The following EPB41L1 variants were observed in gnomAD, a reference collection of about 807,000 sequenced individuals.
EPB41L1 encodes the protein erythrocyte membrane protein band 4.1 like 1.
EPB41L1 carries 29 observed loss-of-function variants against 97.8 expected under a neutral mutation model. The observed-to-expected ratio is 0.30, with a 90% CI of 0.22 to 0.40. EPB41L1 has a LOEUF of 0.40. Ranked by LOEUF, EPB41L1 falls within the 10% of genes least tolerant of loss-of-function variation. The probability of loss-of-function intolerance (pLI) is 1.00; values close to 1 mark genes in which losing one functional copy is unlikely to be tolerated. For missense variants in EPB41L1, 812 were observed against 1,162.3 expected (o/e 0.70, Z 4.38); for synonymous variants, 383 against 459.2 (o/e 0.83, Z 2.12).
intron 15 of EPB41L1, among the ~76,000 whole-genome samples, chr20:36,210,531 C>G (rs748097699): frequency 2.6e-5 from 4 of 152,140 alleles, no homozygotes; most frequent in Non-Finnish European, 5.9e-5. Context: ...CCCTCCTACA[C>G]TCTCCTTTCC....
In EPB41L1 at chr20:36,207,234, G is replaced by A. The variant is rs868721218; in HGVS notation, c.1669-2254G>A. The A allele has an allele frequency of 1.6e-6, 2 of 1,279,984 alleles. No individual in the cohort carries two copies. Among genetic ancestry groups the A allele is most frequent in the East Asian group, 1.1e-4 (2 of 17,812 alleles). The allele number at this position is 1,279,984 out of a possible 1,614,324, so 79.3% of individuals were successfully genotyped here. ...TTTCGAAAGCCAGCCCAGAGCCCAA[G>A]GACCAAGTAGGGTTTGTGGTGTCCC... On this transcript the variant is annotated intron_variant, in intron 14 of 21. Coordinates refer to ENST00000338074, the MANE Select transcript of EPB41L1 (RefSeq NM_012156.2). The surrounding 1 kb of genome is among the most constrained non-coding windows in gnomAD (Gnocchi z 4.9).
intron 2 of EPB41L1, among the ~76,000 whole-genome samples, chr20:36,130,803 C>A (rs2059169441): frequency 6.6e-6 from 1 of 151,706 alleles, no homozygotes; most frequent in African/African-American, 2.4e-5. Context: ...CTCTCTCTCT[C>A]TCTCTCTCTC....
At chr20:36,129,120 G>A (rs916340405) in intron 2 of EPB41L1, among the ~76,000 whole-genome samples, 4 of 150,950 alleles carry the variant, frequency 2.6e-5, no homozygotes, top group Non-Finnish European at 5.9e-5. Flanking sequence ...GAGGCTGAGG[G>A]ATGGGCCTAA....
Position 36,214,574 on chromosome 20 carries a change from GTC to G in EPB41L1, c.2268+135_2268+136del, listed in dbSNP as rs779007520. On this transcript the variant is annotated intron_variant, in intron 17 of 21. Coordinates refer to ENST00000338074, the MANE Select transcript of EPB41L1 (RefSeq NM_012156.2). Reference sequence around the variant, plus strand: ...TCGCTGCATCAGGCATGGGACATAAGTCAGCTGTTTATTATCTGGGGCTTTAG... The same window carrying G: ...TCGCTGCATCAGGCATGGGACATAAGAGCTGTTTATTATCTGGGGCTTTAG... The G allele has an allele frequency of 2.2e-4, 164 of 750,350 alleles. 1 individual carries two copies. The highest frequency in any genetic ancestry group is 3.3e-4 in the Non-Finnish European group (144 of 435,188). 46.5% of individuals were successfully genotyped at this position (750,350 alleles called of 1,614,324 possible). A position where few individuals can be genotyped will look rare whatever the true frequency, so the allele number is the denominator to read the frequency against.
At chr20:36,160,478 A>G (rs908646477) in intron 1 of EPB41L1, among the ~76,000 whole-genome samples, 1 of 151,974 alleles carries the variant, frequency 6.6e-6, no homozygotes, top group African/African-American at 2.4e-5. Flanking sequence ...CCAGCTACTC[A>G]GGAGGCTGAG....
intron 2 of EPB41L1, among the ~76,000 whole-genome samples, chr20:36,128,944 G>T (rs1278316288): frequency 6.6e-6 from 1 of 152,138 alleles, no homozygotes; most frequent in African/African-American, 2.4e-5. Flanking sequence ...GTTTGCCTGG[G>T]GTCCTGGATG....
chr20:36,141,618 C>A (rs555662339), intron 2 of EPB41L1, among the ~76,000 whole-genome samples: 9 of 152,182 alleles, frequency 5.9e-5, no homozygotes, highest in Non-Finnish European at 1.2e-4. Context: ...AGGCCAGAAG[C>A]TTTGAGAGAG....
rs1248326780 is a variant in EPB41L1, at chr20:36,093,133, G to C, written c.-65+1521G>C. On this transcript the variant is annotated intron_variant, in intron 1 of 19. Coordinates refer to the EPB41L1 transcript ENST00000202028. The surrounding 1 kb of genome is among the most constrained non-coding windows in gnomAD (Gnocchi z 5.4). Reference sequence around the variant, plus strand: ...GGTGTGCATCTGTGTGTGCGTGTGTGAGGGTGTGTGCCTTGCGTGTCTTCG... The same window carrying C: ...GGTGTGCATCTGTGTGTGCGTGTGTCAGGGTGTGTGCCTTGCGTGTCTTCG... Among the ~76,000 whole-genome samples, 3 of 152,064 alleles carry C rather than the reference G, an allele frequency of 2.0e-5. No homozygotes were observed. Among genetic ancestry groups the C allele is most frequent in the African/African-American group, 7.2e-5 (3 of 41,422 alleles).
At chr20:36,115,035 C>G (rs1361538412) in intron 2 of EPB41L1, among the ~76,000 whole-genome samples, 1 of 152,160 alleles carries the variant, frequency 6.6e-6, no homozygotes, top group Non-Finnish European at 1.5e-5. Context: ...CAAATGCCAA[C>G]AATAATAACA....
intron 1 of EPB41L1, among the ~76,000 whole-genome samples, chr20:36,095,808 C>T (rs1254846244): frequency 2.0e-5 from 3 of 152,214 alleles, no homozygotes; most frequent in South Asian, 2.1e-4. Flanking sequence ...CTTTGGGAGG[C>T]GAGGCGAATG....
rs201719899 is a variant in EPB41L1, at chr20:36,195,391, A to T, written c.1485+27A>T. 6.2e-7 allele frequency: 1 copy of T among 1,604,100 alleles called. No individual in the cohort carries two copies. Among genetic ancestry groups the T allele is most frequent in the Admixed American group, 1.7e-5 (1 of 57,974 alleles). On this transcript the variant is annotated intron_variant, in intron 13 of 21. Transcript: ENST00000338074. This position sits in a 1 kb window ranked among gnomAD's most constrained non-coding sequence, Gnocchi z 4.6. ...TACTGCATGGGACCTGTCCCTCCCT[A>T]CCCAGCCGTTCCCATCCCTAGCTCA...
At position 36,190,437 on chromosome 20, in the gene EPB41L1, A is replaced by G. The variant is rs1684822087; in HGVS notation, c.1124+63A>G. ...AGAGGCCATGTGTATGGAGGGGAGCAGGGGGAGGAGTTAGTGAGAACTCTA... is the reference window on the plus strand; with the variant it reads ...AGAGGCCATGTGTATGGAGGGGAGCGGGGGGAGGAGTTAGTGAGAACTCTA... On this transcript the variant is annotated intron_variant, in intron 10 of 21. Coordinates refer to ENST00000338074, the MANE Select transcript of EPB41L1 (RefSeq NM_012156.2). This position sits in a 1 kb window ranked among gnomAD's most constrained non-coding sequence, Gnocchi z 5.8. The G allele has an allele frequency of 3.2e-6, 5 of 1,570,586 alleles. No homozygotes were observed. The highest frequency in any genetic ancestry group is 1.4e-5 in the African/African-American group (1 of 74,054).
chr20:36,195,503 CT>C lies in EPB41L1; in HGVS notation c.1485+140del. On this transcript the variant is annotated intron_variant, in intron 13 of 21. Transcript: ENST00000338074. The surrounding 1 kb of genome is among the most constrained non-coding windows in gnomAD (Gnocchi z 4.6). ...TCATCTCTGCTCCCCAGCCATCCCC[CT>C]CTGCAGCCGTCCTTGCTCCCCACTC... 9.8e-7 allele frequency: 1 copy of C among 1,024,710 alleles called. No individual in the cohort carries two copies. The highest frequency in any genetic ancestry group is 2.0e-5 in the Admixed American group (1 of 51,274). 63.5% of individuals were successfully genotyped at this position (1,024,710 alleles called of 1,614,324 possible).
chr20:36,221,533 T>C (rs2063779501), intron 19 of EPB41L1, among the ~76,000 whole-genome samples: 1 of 151,992 alleles, frequency 6.6e-6, no homozygotes, highest in Non-Finnish European at 1.5e-5. Context: ...GGCAGAGAGG[T>C]CCAGAACTGT....
At chr20:36,135,397 A>T (rs1317190842) in intron 2 of EPB41L1, among the ~76,000 whole-genome samples, 1 of 152,172 alleles carries the variant, frequency 6.6e-6, no homozygotes, top group African/African-American at 2.4e-5. Context: ...CTGATACCAC[A>T]TGGGCCGAAG....
chr20:36,132,788 T>C (rs1222196890), intron 2 of EPB41L1, among the ~76,000 whole-genome samples: 4 of 152,142 alleles, frequency 2.6e-5, no homozygotes, highest in Non-Finnish European at 5.9e-5. Context: ...GATAGTGTGA[T>C]AAATGTGTTC....
chr20:36,128,377 C>T (rs765484998), intron 2 of EPB41L1, among the ~76,000 whole-genome samples: 1 of 152,192 alleles, frequency 6.6e-6, no homozygotes, highest in Non-Finnish European at 1.5e-5. Flanking sequence ...AGATGCTGCT[C>T]ATTCCTGGCA....
chr20:36,198,151 C>G, intron 14 of EPB41L1, 110 bp downstream of exon 14: 1 of 1,014,768 alleles, frequency 9.9e-7, no homozygotes, highest in Non-Finnish European at 1.5e-6. Context: ...CCCATTGCTG[C>G]TTAGGGGCTG....
At position 36,178,633 on chromosome 20, in the gene EPB41L1, T is replaced by G; in HGVS notation, c.451T>G (p.Trp151Gly). Residue 151 changes from tryptophan (W) to glycine (G), a missense_variant, in exon 5 of 22, where the codon TGG becomes GGG. This residue lies in a region of EPB41L1 where 230 missense variants were observed against 445.2 expected (regional missense o/e 0.52). Coordinates refer to ENST00000338074, the MANE Select transcript of EPB41L1 (RefSeq NM_012156.2). The part of the protein sequence containing the change: ...TFCDADSQKN[W>G]LDPSKEIKKQ... The stretch of plus-strand genomic sequence containing the variant: ...AGATCTCTATCTTTTCTTTTAGAAC[T>G]GGCTGGACCCCTCCAAGGAGATCAA... The G allele has an allele frequency of 6.2e-7, 1 of 1,614,176 alleles. No individual in the cohort carries two copies. The highest frequency in any genetic ancestry group is 8.5e-7 in the Non-Finnish European group (1 of 1,179,990).
Sources: allele counts gnomAD v4.1 joint callset (sites outside exome capture counted in the v4.1 genomes callset), GRCh38; gene constraint gnomAD v4.1.1; regional missense constraint gnomAD v4.1.1; non-coding constraint Gnocchi (gnomAD v3.1); transcripts MANE v1.5; gene names NCBI Gene and HGNC (gene_info 2026-07-23, HGNC 2026-07-21).